The following CNTNAP2 variants were observed in gnomAD, a reference collection of about 807,000 sequenced individuals.
CNTNAP2 encodes contactin associated protein 2.
In CNTNAP2, 98 loss-of-function variants were observed where a neutral mutation model predicts 155.2. The observed-to-expected ratio is 0.63, with a 90% CI of 0.54 to 0.75. CNTNAP2 has a LOEUF of 0.75. Among genes scored for constraint, CNTNAP2 ranks in the 30% least tolerant of loss-of-function variants. The probability of loss-of-function intolerance (pLI) is 0.00; values close to 1 mark genes in which losing one functional copy is unlikely to be tolerated. For synonymous variants in CNTNAP2, 651 were observed against 631.2 expected, an observed-to-expected ratio of 1.03 and a Z score of -0.47; for missense variants, 1,727 against 1,688.1, an observed-to-expected ratio of 1.02 and a Z score of -0.40.
At chr7:146,445,048 A>G (rs536394703) in intron 1 of CNTNAP2, among the ~76,000 whole-genome samples, 1 of 152,192 alleles carries the variant, frequency 6.6e-6, no homozygotes, top group Non-Finnish European at 1.5e-5. Flanking sequence ...TTTCATAAAC[A>G]AAAAAACTTC....
intron 9 of CNTNAP2, among the ~76,000 whole-genome samples, chr7:147,333,163 C>T (rs1005750268): frequency 2.0e-5 from 3 of 152,040 alleles, no homozygotes; most frequent in Non-Finnish European, 4.4e-5. Context: ...TAGCACAAGC[C>T]AAGACAGATG....
intron 8 of CNTNAP2, among the ~76,000 whole-genome samples, chr7:147,188,270 C>A (rs1802608163): frequency 6.6e-6 from 1 of 152,008 alleles, no homozygotes; most frequent in African/African-American, 2.4e-5. Context: ...AGGGCAAGAC[C>A]AAGGACAGCA....
chr7:147,314,676 C>T (rs908071298), intron 9 of CNTNAP2, among the ~76,000 whole-genome samples: 3 of 150,938 alleles, frequency 2.0e-5, no homozygotes, highest in African/African-American at 7.3e-5. Context: ...ATCTTTGGAA[C>T]TTTTCCTATT....
intron 1 of CNTNAP2, among the ~76,000 whole-genome samples, chr7:146,462,503 T>C (rs1453705595): frequency 6.6e-6 from 1 of 152,296 alleles, no homozygotes; most frequent in Admixed American, 6.5e-5. Flanking sequence ...TGTTTTCCTT[T>C]CCGAGCATCT....
intron 8 of CNTNAP2, among the ~76,000 whole-genome samples, chr7:147,172,253 A>G (rs992379798): frequency 3.3e-5 from 5 of 152,154 alleles, no homozygotes; most frequent in African/African-American, 7.2e-5. Context: ...CATCCTATGT[A>G]TCTGTGTTCC....
chr7:147,517,400 A>G (rs186362087), intron 11 of CNTNAP2, among the ~76,000 whole-genome samples: 1 of 152,300 alleles, frequency 6.6e-6, no homozygotes, highest in East Asian at 1.9e-4. Flanking sequence ...ACCATGTGCT[A>G]AAAGGATGGG....
At chr7:147,340,193 T>C (rs1160434293) in intron 9 of CNTNAP2, among the ~76,000 whole-genome samples, 1 of 152,182 alleles carries the variant, frequency 6.6e-6, no homozygotes, top group Non-Finnish European at 1.5e-5. Context: ...GAATATCATG[T>C]ATACCCTGTC....
chr7:147,745,051 A>AG (rs1012930565), intron 13 of CNTNAP2, among the ~76,000 whole-genome samples: 4 of 151,610 alleles, frequency 2.6e-5, no homozygotes, highest in African/African-American at 7.3e-5. Flanking sequence ...TTTCTGAGAG[A>AG]AAAAAAAGAA....
chr7:146,350,897 G>A (rs1022646744), intron 1 of CNTNAP2, among the ~76,000 whole-genome samples: 16 of 151,780 alleles, frequency 1.1e-4, no homozygotes, highest in Non-Finnish European at 1.9e-4. Flanking sequence ...GATGAAACTG[G>A]AAACCATCAT....
intron 1 of CNTNAP2, among the ~76,000 whole-genome samples, chr7:146,582,397 A>T (rs1211381159): frequency 6.6e-6 from 1 of 152,140 alleles, no homozygotes; most frequent in Non-Finnish European, 1.5e-5. Flanking sequence ...ATTTAAATTC[A>T]CTTTGGGCAG....
intron 17 of CNTNAP2, among the ~76,000 whole-genome samples, chr7:148,155,217 G>A (rs1358151358): frequency 6.6e-6 from 1 of 152,150 alleles, no homozygotes; most frequent in African/African-American, 2.4e-5. Flanking sequence ...ATGGGATTTG[G>A]TTCCAGACAG....
chr7:148,136,015 GGA>G, intron 16 of CNTNAP2, among the ~76,000 whole-genome samples: 1 of 52,638 alleles, frequency 1.9e-5, no homozygotes, highest in African/African-American at 7.9e-5. Flanking sequence ...AAGGAAGGAA[GGA>G]AGGGAGGGAG....
At position 147,583,531 on chromosome 7, in the gene CNTNAP2, T is replaced by TAA. The variant is rs1554407791; in HGVS notation, c.1897+21275_1897+21276dup. ...ATATATATATATATATATATATATA[T>TAA]AATGTCAAACAGATTAAAATTAGTT... is the stretch of plus-strand genomic sequence containing the variant. On this transcript the variant is annotated intron_variant, in intron 12 of 23. Transcript: ENST00000361727. Among the ~76,000 whole-genome samples, 267 of 140,600 alleles carry TAA rather than the reference T, an allele frequency of 1.9e-3. 3 individuals are homozygous for TAA. The highest frequency in any genetic ancestry group is 6.3e-3 in the African/African-American group (238 of 37,870). 92.2% of individuals were successfully genotyped at this position (140,600 alleles called of 152,430 possible).
chr7:148,362,127 T>C (rs1798634494), intron 21 of CNTNAP2, among the ~76,000 whole-genome samples: 1 of 152,064 alleles, frequency 6.6e-6, no homozygotes, highest in Admixed American at 6.6e-5. Flanking sequence ...GAGAATCACT[T>C]GAACCTAGGA....
At chr7:147,228,159 T>G (rs1803590845) in intron 8 of CNTNAP2, among the ~76,000 whole-genome samples, 1 of 152,180 alleles carries the variant, frequency 6.6e-6, no homozygotes, top group Admixed American at 6.5e-5. Context: ...TGTGCCTGTA[T>G]GGAGTAGTTT....
chr7:147,524,509 G>A (rs1458862934), intron 11 of CNTNAP2, among the ~76,000 whole-genome samples: 1 of 152,228 alleles, frequency 6.6e-6, no homozygotes, highest in Non-Finnish European at 1.5e-5. Flanking sequence ...ATAAGCCAAA[G>A]AGACACAACT....
intron 1 of CNTNAP2, among the ~76,000 whole-genome samples, chr7:146,196,806 C>T (rs2116860497): frequency 6.6e-6 from 1 of 152,182 alleles, no homozygotes; most frequent in South Asian, 2.1e-4. Context: ...CAAGAGTTAA[C>T]AGGAGGCTTT....
At chr7:147,014,087 A>G (rs1371521407) in intron 3 of CNTNAP2, among the ~76,000 whole-genome samples, 1 of 152,196 alleles carries the variant, frequency 6.6e-6, no homozygotes, top group Non-Finnish European at 1.5e-5. Flanking sequence ...GGAGACTTCC[A>G]GTGATGTTTT....
intron 3 of CNTNAP2, among the ~76,000 whole-genome samples, chr7:146,979,515 A>G (rs1415119634): frequency 6.6e-6 from 1 of 152,134 alleles, no homozygotes; most frequent in African/African-American, 2.4e-5. Context: ...CATTATTACA[A>G]TTTAAGGTTT....
Sources: allele counts gnomAD v4.1 joint callset (sites outside exome capture counted in the v4.1 genomes callset), GRCh38; gene constraint gnomAD v4.1.1; transcripts MANE v1.5; gene names NCBI Gene and HGNC (gene_info 2026-07-23, HGNC 2026-07-21).